Variants in SOX6 observed in about 807,000 individuals in gnomAD.
SOX6 encodes SRY-box transcription factor 6.
A neutral mutation model predicts 97.8 loss-of-function variants in SOX6; 11 were observed. The observed-to-expected ratio is 0.11, with a 90% CI of 0.07 to 0.19. The LOEUF (loss-of-function observed/expected upper bound fraction) is 0.19. SOX6 is among the 10% of genes least tolerant of loss of function. The pLI is 1.00. For missense variants in SOX6, 810 were observed against 1,039.5 expected, an observed-to-expected ratio of 0.78 and a Z score of 3.04; for synonymous variants, 360 against 371.4, an observed-to-expected ratio of 0.97 and a Z score of 0.35.
intron 4 of SOX6, among the ~76,000 whole-genome samples, chr11:16,504,355 C>T (rs1336878553): frequency 2.6e-5 from 4 of 152,012 alleles, no homozygotes; most frequent in Non-Finnish European, 5.9e-5. Context: ...TAAGACTCCA[C>T]CAAAAACTCT....
At chr11:16,712,390 G>C (rs895491890) in intron 3 of SOX6, among the ~76,000 whole-genome samples, 1 of 151,894 alleles carries the variant, frequency 6.6e-6, no homozygotes, top group Non-Finnish European at 1.5e-5. Flanking sequence ...TTCCCTGTTC[G>C]CCACATCCAT....
chr11:16,430,429 C>T (rs181993706), intron 1 of SOX6, among the ~76,000 whole-genome samples: 58 of 152,228 alleles, frequency 3.8e-4, no homozygotes, highest in Admixed American at 1.3e-3. Context: ...AATATTATGT[C>T]TCCCCAAAAT....
intron 12 of SOX6, among the ~76,000 whole-genome samples, chr11:16,016,577 T>C (rs2133864840): frequency 1.3e-5 from 2 of 152,176 alleles, no homozygotes; most frequent in Admixed American, 6.6e-5. Flanking sequence ...TTAACCCAGA[T>C]GCAGGACACA....
intron 2 of SOX6, among the ~76,000 whole-genome samples, chr11:16,329,558 C>G (rs958986805): frequency 1.1e-4 from 16 of 152,330 alleles, no homozygotes; most frequent in African/African-American, 3.8e-4. Context: ...TTTTCCACCT[C>G]TCATCCATAT....
At chr11:16,193,186 T>C (rs1195721068) in intron 4 of SOX6, among the ~76,000 whole-genome samples, 4 of 152,118 alleles carry the variant, frequency 2.6e-5, no homozygotes, top group East Asian at 1.9e-4. Context: ...AATTAAATTT[T>C]GTGCATTTCT....
At chr11:16,424,807 C>T (rs940800792) in intron 1 of SOX6, among the ~76,000 whole-genome samples, 2 of 152,178 alleles carry the variant, frequency 1.3e-5, no homozygotes, top group African/African-American at 2.4e-5. Flanking sequence ...GTGTGTCCCA[C>T]AAGCCATATG....
intron 4 of SOX6, among the ~76,000 whole-genome samples, chr11:16,232,020 A>AG (rs1416749840): frequency 6.6e-6 from 1 of 151,820 alleles, no homozygotes; most frequent in African/African-American, 2.4e-5. Context: ...TATGTTTCTT[A>AG]CAGATAAATA....
At chr11:16,057,070 C>A (rs751725173) in intron 9 of SOX6, among the ~76,000 whole-genome samples, 1 of 152,104 alleles carries the variant, frequency 6.6e-6, no homozygotes, top group African/African-American at 2.4e-5. Flanking sequence ...CTTATCTCAC[C>A]CCCTGTTCTG....
chr11:16,138,631 T>C (rs1445796779), intron 6 of SOX6, among the ~76,000 whole-genome samples: 2 of 152,096 alleles, frequency 1.3e-5, no homozygotes, highest in East Asian at 1.9e-4. Context: ...ACATGTGCCA[T>C]GTTGGTGTGC....
At chr11:16,581,975 A>AG (rs1335402828) in intron 4 of SOX6, among the ~76,000 whole-genome samples, 3 of 151,320 alleles carry the variant, frequency 2.0e-5, no homozygotes, top group Non-Finnish European at 4.4e-5. Flanking sequence ...AAAAAAAAAA[A>AG]AAGAAGAAGA....
chr11:16,571,850 G>A (rs1037162628), intron 4 of SOX6, among the ~76,000 whole-genome samples: 8 of 152,004 alleles, frequency 5.3e-5, no homozygotes, highest in Non-Finnish European at 7.4e-5. Context: ...ACAGGGTTTC[G>A]CCATGTTGGC....
rs1442077406 is a variant in SOX6 at position 16,610,234 on chromosome 11, C to T, written n.609+1847G>A. Among the ~76,000 whole-genome samples, 1 of 152,198 alleles carries T rather than the reference C, an allele frequency of 6.6e-6. No homozygotes were observed. The highest frequency in any genetic ancestry group is 1.5e-5 in the Non-Finnish European group (1 of 68,042). On this transcript the variant is annotated intron_variant and non_coding_transcript_variant, in intron 4 of 5. Coordinates refer to the SOX6 transcript ENST00000524520. The surrounding 1 kb of genome is among the most constrained non-coding windows in gnomAD (Gnocchi z 4.4). ...ATCATTGAAGGACCTGTCCTAAATGCCTGCAGAGAGGAGACAGGTGTAGAT... is the reference window on the plus strand; with the variant it reads ...ATCATTGAAGGACCTGTCCTAAATGTCTGCAGAGAGGAGACAGGTGTAGAT...
intron 7 of SOX6, chr11:16,110,274 G>A (rs1849196308): frequency 6.6e-6 from 1 of 152,036 alleles, no homozygotes; most frequent in Non-Finnish European, 1.5e-5. Context: ...GACTGGTACA[G>A]GGGTGTCAAA....
intron 4 of SOX6, among the ~76,000 whole-genome samples, chr11:16,197,726 A>T (rs1024651058): frequency 6.6e-6 from 1 of 152,206 alleles, no homozygotes; most frequent in African/African-American, 2.4e-5. Context: ...AATGTTTCCT[A>T]TGTAGCATTC....
intron 3 of SOX6, among the ~76,000 whole-genome samples, chr11:16,287,727 G>A (rs535405573): frequency 3.9e-5 from 6 of 151,934 alleles, no homozygotes; most frequent in South Asian, 2.1e-4. Context: ...AACTATGTAC[G>A]ATTAGAGTAT....
intron 12 of SOX6, among the ~76,000 whole-genome samples, chr11:16,035,392 A>G (rs1855493524): frequency 6.6e-6 from 1 of 152,208 alleles, no homozygotes; most frequent in South Asian, 2.1e-4. Flanking sequence ...ACTTCTTAGG[A>G]TGTTTGCTAG....
In SOX6 at chr11:16,300,132, G is replaced by A. The variant is rs142983235; in HGVS notation, c.445+18314C>T. 4.4e-3 allele frequency among the ~76,000 whole-genome samples: 666 copies of A among 152,190 alleles called. 6 individuals are homozygous for A. The highest frequency in any genetic ancestry group is 4.7e-3 in the Non-Finnish European group (319 of 68,012). ...GGCTGCTCACTGTGGGATGGCAAGC[G>A]AGGCCCTTCCTCCTTCAGCAAGCTT... On this transcript the variant is annotated intron_variant, in intron 3 of 15. Coordinates refer to ENST00000683767, the MANE Select transcript of SOX6 (RefSeq NM_001367873.1). The surrounding 1 kb of genome is among the most constrained non-coding windows in gnomAD (Gnocchi z 4.1).
At chr11:16,294,021 T>TA (rs924123555) in intron 3 of SOX6, among the ~76,000 whole-genome samples, 10 of 150,596 alleles carry the variant, frequency 6.6e-5, no homozygotes, top group Non-Finnish European at 1.2e-4. Flanking sequence ...CAGCATCAAT[T>TA]AAAAAAAAAG....
chr11:16,156,866 A>G (rs1415607528), intron 6 of SOX6, among the ~76,000 whole-genome samples: 2 of 152,000 alleles, frequency 1.3e-5, no homozygotes, highest in Admixed American at 1.3e-4. Flanking sequence ...TCATCACTCT[A>G]TATTCTTACT....
Sources: gnomAD v4.1 joint callset for allele counts (sites outside exome capture counted in the v4.1 genomes callset) on GRCh38, gnomAD v4.1.1 for gene constraint, Gnocchi (gnomAD v3.1) non-coding constraint, MANE v1.5 for transcripts, NCBI Gene and HGNC (gene_info 2026-07-23, HGNC 2026-07-21) for gene names.